LONP1: variants seen among roughly 807,000 people sequenced by gnomAD.
LONP1 encodes lon protease homolog, mitochondrial.
In LONP1, 31 loss-of-function variants were observed where a neutral mutation model predicts 98.5. The ratio of observed to expected loss-of-function variants is 0.31; its 90% CI spans 0.24 to 0.42. The LOEUF is 0.42. Among genes scored for constraint, LONP1 ranks in the 20% least tolerant of loss-of-function variants. LONP1 has a pLI of 1.00. For synonymous variants in LONP1, 781 were observed against 594.7 expected (o/e 1.31, Z -4.56); for missense variants, 1,336 against 1,350.6 (o/e 0.99, Z 0.17).
chr19:5,694,638 C>CGGGCGCGGGGTGGTGGGTGAT, intron 14 of LONP1, 86 bp from the exon 15 acceptor site: 1 of 1,522,926 alleles, frequency 6.6e-7, no homozygotes, highest in Non-Finnish European at 9.0e-7. Context: ...AAAGGTGTGA[C>CGGGCGCGGGGTGGTGGGTGAT]GGGCGCGGGG....
chr19:5,708,089 C>A, intron 5 of LONP1: 1 of 608,566 alleles, frequency 1.6e-6, no homozygotes, highest in Non-Finnish European at 2.9e-6. Flanking sequence ...CTGCTCCCCA[C>A]TCCCCCAGCC....
intron 2 of LONP1, 26 bp from the exon 3 acceptor site, chr19:5,713,279 G>A (rs756591300): frequency 3.8e-6 from 6 of 1,592,794 alleles, no homozygotes; most frequent in Non-Finnish European, 5.1e-6. Context: ...ACAGAGGAAT[G>A]TTGGAACATG....
intron 8 of LONP1, 47 bp from the exon 9 acceptor site, chr19:5,700,974 C>T (rs750781564): frequency 6.8e-6 from 11 of 1,610,196 alleles, no homozygotes; most frequent in Non-Finnish European, 8.5e-6. Context: ...TCACGAGCTG[C>T]CTGTCTCTCT....
At chr19:5,697,754 C>T (rs1421480207) in intron 10 of LONP1, among the ~76,000 whole-genome samples, 1 of 135,902 alleles carries the variant, frequency 7.4e-6, no homozygotes, top group African/African-American at 2.6e-5. Flanking sequence ...AGTCTCCTGT[C>T]CTTGTCCTTG....
In LONP1 at chr19:5,696,178, C is replaced by T. The variant is rs201236238; in HGVS notation, c.1897-8G>A. On this transcript the variant is annotated splice_polypyrimidine_tract_variant and splice_region_variant and intron_variant, in intron 12 of 17. Transcript: ENST00000360614. Reference sequence around the variant, plus strand: ...CGTGCAGATGAACAGCACCTGGGGGCGGCGGCAAGGTGCTGGGGGACTGGC... The same window carrying T: ...CGTGCAGATGAACAGCACCTGGGGGTGGCGGCAAGGTGCTGGGGGACTGGC... The T allele has an allele frequency of 3.7e-5, 59 of 1,612,692 alleles. No homozygotes were observed. The Middle Eastern group carries it at 6.6e-4, about 18-fold the overall frequency.
chr19:5,713,786 C>T (rs1425467598), intron 2 of LONP1, among the ~76,000 whole-genome samples: 1 of 152,140 alleles, frequency 6.6e-6, no homozygotes, highest in Non-Finnish European at 1.5e-5. Context: ...TGCTTTGGAA[C>T]TCCTGACCTC....
At chr19:5,714,086 G>C (rs548374845) in intron 2 of LONP1, 97 bp downstream of exon 2, 4 of 891,166 alleles carry the variant, frequency 4.5e-6, no homozygotes, top group Non-Finnish European at 7.0e-6. Flanking sequence ...GTTTCCTCGG[G>C]GTCAGGGGTC....
chr19:5,691,987 C>A lies in LONP1; in HGVS notation c.*45G>T. On this transcript the variant is annotated 3_prime_UTR_variant, in exon 18 of 18. Transcript: ENST00000360614. ...GCTCCCCACAGCGCTCAGTTCTGGC[C>A]CAGACAGGGCCTGACATCCGCCGCC... The A allele has an allele frequency of 6.3e-7, 1 of 1,586,006 alleles. No individual in the cohort carries two copies. Among genetic ancestry groups the A allele is most frequent in the Non-Finnish European group, 8.6e-7 (1 of 1,165,298 alleles).
chr19:5,693,942 G>T (rs2054878221), intron 15 of LONP1, among the ~76,000 whole-genome samples, 173 bp from the exon 16 acceptor site: 1 of 152,158 alleles, frequency 6.6e-6, no homozygotes, highest in Non-Finnish European at 1.5e-5. Context: ...TTGCTGCGTT[G>T]CGGGTTCCTG....
rs376291846 is a variant in LONP1, at chr19:5,715,568, G to A, written c.430-1297C>T. Among the ~76,000 whole-genome samples, 228 of 139,070 alleles carry A rather than the reference G, an allele frequency of 1.6e-3. 1 individual carries two copies. Among genetic ancestry groups the A allele is most frequent in the African/African-American group, 5.8e-3 (220 of 38,186 alleles). 91.2% of individuals were successfully genotyped at this position (139,070 alleles called of 152,430 possible). A position where few individuals can be genotyped will look rare whatever the true frequency, so the allele number is the denominator to read the frequency against. ...GAGGCAGGAGAATGGCGTGAACCCGGGAGGCGGAGCATGCAGTGAGCCAAG... is the reference window on the plus strand; with the variant it reads ...GAGGCAGGAGAATGGCGTGAACCCGAGAGGCGGAGCATGCAGTGAGCCAAG... On this transcript the variant is annotated intron_variant, in intron 1 of 17. Transcript: ENST00000360614.
At chr19:5,707,214 G>GA in intron 6 of LONP1, 71 bp from the exon 7 acceptor site, 1 of 1,246,050 alleles carries the variant, frequency 8.0e-7, no homozygotes, top group Non-Finnish European at 1.2e-6. Context: ...GAGGTTGGGG[G>GA]AAAATGCGCA....
Position 5,695,017 on chromosome 19 carries a change from C to G in LONP1, c.2014-116G>C, listed in dbSNP as rs1025667101. 8.8e-5 allele frequency: 111 copies of G among 1,260,444 alleles called. 1 individual carries two copies. Among genetic ancestry groups the G allele is most frequent in the South Asian group, 1.7e-4 (11 of 64,428 alleles). The allele number at this position is 1,260,444 out of a possible 1,614,324, so 78.1% of individuals were successfully genotyped here. ...CCAGACCCTGGCCTGGGAACGAGGT[C>G]CCTGATGGTGAAACCAGGGCCTGGA... On this transcript the variant is annotated intron_variant, in intron 13 of 17. Coordinates refer to ENST00000360614, the MANE Select transcript of LONP1 (RefSeq NM_004793.4).
intron 4 of LONP1, among the ~76,000 whole-genome samples, chr19:5,711,298 C>A (rs2055233351): frequency 6.6e-6 from 1 of 152,242 alleles, no homozygotes; most frequent in Non-Finnish European, 1.5e-5. Flanking sequence ...GCAGGTGGCA[C>A]CGCCAAGAGC....
At chr19:5,708,202 G>T in intron 5 of LONP1, 140 bp downstream of exon 5, 1 of 842,004 alleles carries the variant, frequency 1.2e-6, no homozygotes, top group Non-Finnish European at 1.9e-6. Flanking sequence ...AGTGGGCAAC[G>T]GGCTCCTCCA....
chr19:5,692,179 G>A lies in LONP1; in HGVS notation c.2733C>T (p.Val911=), dbSNP rs1316799272. ...AGTCCTTCTTGTTCTCGGCTGGCAG[G>A]ACGATGCACGTCACCCCTGCGCGCT... ...AAKRAGVTCI[V]LPAENKKDFY... Residue 911 remains valine (V), a synonymous_variant, in exon 18 of 18, where the codon GTC becomes GTT. Transcript: ENST00000360614. 1 of 1,614,002 alleles carries A rather than the reference G, an allele frequency of 6.2e-7. No individual in the cohort carries two copies. The highest frequency in any genetic ancestry group is 1.7e-4 in the Middle Eastern group (1 of 6,056).
intron 10 of LONP1, among the ~76,000 whole-genome samples, chr19:5,697,191 G>T (rs372772785): frequency 6.6e-6 from 1 of 152,122 alleles, no homozygotes; most frequent in Non-Finnish European, 1.5e-5. Flanking sequence ...GGCCCGGCCC[G>T]CGACAGGGAC....
In LONP1 at chr19:5,712,869, G is replaced by A. The variant is rs186865347; in HGVS notation, c.638+265C>T. On this transcript the variant is annotated intron_variant, in intron 3 of 17. Transcript: ENST00000360614. ...CTGGACTCAAACTCCGGGCTCAAGC[G>A]ATCCAATTGCCTTGACATCCCAAAG... Among the ~76,000 whole-genome samples, 360 of 152,130 alleles carry A rather than the reference G, an allele frequency of 2.4e-3. 2 individuals carry two copies. Among genetic ancestry groups the A allele is most frequent in the African/African-American group, 8.4e-3 (348 of 41,506 alleles).
chr19:5,698,551 G>A (rs2054984034), intron 10 of LONP1, among the ~76,000 whole-genome samples: 1 of 152,200 alleles, frequency 6.6e-6, no homozygotes, highest in South Asian at 2.1e-4. Flanking sequence ...GCCCACAGAG[G>A]CGCCAAGGTT....
At position 5,693,783 on chromosome 19, in the gene LONP1, G is replaced by A. The variant is rs1182526963; in HGVS notation, c.2321-14C>T. 2 of 1,610,556 alleles carry A rather than the reference G, an allele frequency of 1.2e-6. No individual in the cohort carries two copies. The highest frequency in any genetic ancestry group is 4.5e-5 in the East Asian group (2 of 44,810). ...GCGTGGAGCCTCCTGAAACAGGTGT[G>A]GAGCTGTGAACACGGGAGGCCTCGG... On this transcript the variant is annotated splice_polypyrimidine_tract_variant and intron_variant, in intron 15 of 17. Transcript: ENST00000360614.
Sources: allele counts gnomAD v4.1 joint callset (sites outside exome capture counted in the v4.1 genomes callset), GRCh38; gene constraint gnomAD v4.1.1; transcripts MANE v1.5; gene names NCBI Gene and HGNC (gene_info 2026-07-23, HGNC 2026-07-21).